The following RELN variants were observed in gnomAD, a reference collection of about 807,000 sequenced individuals.
The protein encoded by RELN is reelin.
RELN carries 108 observed loss-of-function variants against 427.6 expected under a neutral mutation model. The ratio of observed to expected loss-of-function variants is 0.25; its 90% CI spans 0.22 to 0.30. RELN has a LOEUF of 0.30. Among genes scored for constraint, RELN ranks in the 10% least tolerant of loss-of-function variants. The probability of loss-of-function intolerance (pLI) is 1.00; values close to 1 mark genes in which losing one functional copy is unlikely to be tolerated. For missense variants in RELN, 3,715 were observed against 4,302.8 expected (o/e 0.86, Z 3.82); for synonymous variants, 1,524 against 1,513.4 (o/e 1.01, Z -0.16).
intron 1 of RELN, among the ~76,000 whole-genome samples, chr7:103,960,973 A>G (rs1022869111): frequency 3.3e-5 from 5 of 152,260 alleles, no homozygotes; most frequent in African/African-American, 1.2e-4. Context: ...TTTTGAAGGT[A>G]TGTGTGCACA....
In RELN at chr7:103,751,822, T is replaced by C. The variant is rs116115590; in HGVS notation, c.577+1360A>G. On this transcript the variant is annotated intron_variant, in intron 5 of 64. Transcript: ENST00000428762. Reference sequence around the variant, plus strand: ...AGGAAAAATAAATTAATTGGGTTTATAGGTTGAAAGGAAAAGCCCAAGAGA... The same window carrying C: ...AGGAAAAATAAATTAATTGGGTTTACAGGTTGAAAGGAAAAGCCCAAGAGA... Among the ~76,000 whole-genome samples, 496 of 152,336 alleles carry C rather than the reference T, an allele frequency of 3.3e-3. 1 individual carries two copies. The highest frequency in any genetic ancestry group is 0.011 in the African/African-American group (470 of 41,582).
At chr7:103,916,940 C>T in intron 2 of RELN, 135 bp downstream of exon 2, 1 of 753,082 alleles carries the variant, frequency 1.3e-6, no homozygotes, top group Non-Finnish European at 2.4e-6. Context: ...AGCAAACACA[C>T]ACAAAAACAA....
chr7:103,568,974 T>C (rs1830821979), intron 31 of RELN, among the ~76,000 whole-genome samples: 1 of 152,228 alleles, frequency 6.6e-6, no homozygotes, highest in South Asian at 2.1e-4. Flanking sequence ...CACACATTCT[T>C]TGACACTCTT....
chr7:103,705,474 G>A lies in RELN; in HGVS notation c.806-4468C>T, dbSNP rs571480601. On this transcript the variant is annotated intron_variant, in intron 8 of 64. Transcript: ENST00000428762. ...TAATGAGAAAAATCTGATAGTAGGT[G>A]TATCTTATAATTTATCACCTAGCCT... 2.0e-4 allele frequency among the ~76,000 whole-genome samples: 31 copies of A among 152,266 alleles called. 1 individual carries two copies. In the East Asian group the frequency reaches 4.8e-3, roughly 24 times the overall value.
intron 57 of RELN, among the ~76,000 whole-genome samples, chr7:103,492,482 T>G (rs1465366628): frequency 6.6e-6 from 1 of 152,202 alleles, no homozygotes; most frequent in Non-Finnish European, 1.5e-5. Context: ...TATTTCCATA[T>G]CAATGAAAGC....
At chr7:103,736,301 T>C (rs915461911) in intron 6 of RELN, among the ~76,000 whole-genome samples, 1 of 152,206 alleles carries the variant, frequency 6.6e-6, no homozygotes, top group African/African-American at 2.4e-5. Flanking sequence ...GCAATTTACA[T>C]GATCATTTTC....
chr7:103,700,750 C>G (rs1485741663), intron 9 of RELN, among the ~76,000 whole-genome samples, 160 bp downstream of exon 9: 1 of 152,112 alleles, frequency 6.6e-6, no homozygotes, highest in Non-Finnish European at 1.5e-5. Context: ...CTTCTCCGAG[C>G]AGGGCTGGTC....
At chr7:103,760,253 TAAAA>T (rs749331587) in intron 4 of RELN, among the ~76,000 whole-genome samples, 1 of 146,566 alleles carries the variant, frequency 6.8e-6, no homozygotes, top group Non-Finnish European at 1.5e-5. Context: ...TGCTAAAAGT[TAAAA>T]AAAAAAGCTT....
chr7:103,561,359 T>C (rs991190003), intron 36 of RELN, among the ~76,000 whole-genome samples, 173 bp downstream of exon 36: 1 of 152,094 alleles, frequency 6.6e-6, no homozygotes, highest in African/African-American at 2.4e-5. Context: ...CAAGTAATCA[T>C]GAAAAAATGA....
chr7:103,837,314 C>G (rs113530345), intron 2 of RELN, among the ~76,000 whole-genome samples: 73 of 152,292 alleles, frequency 4.8e-4, no homozygotes, highest in Non-Finnish European at 9.1e-4. Flanking sequence ...GAAATACAAA[C>G]TTCTTAGCAT....
At chr7:103,803,849 G>A (rs577670528) in intron 3 of RELN, among the ~76,000 whole-genome samples, 11 of 152,134 alleles carry the variant, frequency 7.2e-5, no homozygotes, top group African/African-American at 2.6e-4. Flanking sequence ...AGCAACAGAT[G>A]CAGTTACAGG....
intron 41 of RELN, among the ~76,000 whole-genome samples, chr7:103,545,608 T>G (rs1241040691): frequency 2.6e-5 from 4 of 152,122 alleles, no homozygotes; most frequent in Non-Finnish European, 5.9e-5. Flanking sequence ...CAATATTGAC[T>G]TCCTTGGTGA....
At chr7:103,619,615 C>T (rs927638139) in intron 20 of RELN, among the ~76,000 whole-genome samples, 3 of 152,148 alleles carry the variant, frequency 2.0e-5, no homozygotes, top group Non-Finnish European at 2.9e-5. Flanking sequence ...CCCACGTCAC[C>T]GCATTTTTAG....
chr7:103,570,259 A>G (rs1436934252), intron 31 of RELN, among the ~76,000 whole-genome samples: 1 of 152,228 alleles, frequency 6.6e-6, no homozygotes, highest in Non-Finnish European at 1.5e-5. Flanking sequence ...CTATTGTATG[A>G]TAAGCAGATG....
intron 12 of RELN, among the ~76,000 whole-genome samples, chr7:103,654,426 G>T (rs1472447472): frequency 1.3e-5 from 2 of 152,072 alleles, no homozygotes; most frequent in Non-Finnish European, 2.9e-5. Context: ...GGCCAAAGTA[G>T]CTATTTGCTT....
At chr7:103,768,733 A>C (rs1346613201) in intron 4 of RELN, among the ~76,000 whole-genome samples, 2 of 152,200 alleles carry the variant, frequency 1.3e-5, no homozygotes, top group Non-Finnish European at 2.9e-5. Context: ...GGGGGAAATG[A>C]GTGTTTAAAT....
chr7:103,593,815 T>C lies in RELN; in HGVS notation c.3779A>G (p.Asn1260Ser). 6.2e-7 allele frequency: 1 copy of C among 1,613,944 alleles called. No homozygotes were observed. Among genetic ancestry groups the C allele is most frequent in the Non-Finnish European group, 8.5e-7 (1 of 1,179,870 alleles). ...NQMSVWLMLA[N>S]EGMVKNETFC... is the part of the protein sequence containing the mutation. ...GGTTTCATTTTTAACCATTCCTTCA[T>C]TAGCCAACATCAACCACACACTCAT... is the stretch of plus-strand genomic sequence containing the variant. Residue 1260 changes from asparagine (N) to serine (S), a missense_variant, in exon 27 of 65, where the codon AAT becomes AGT. Physicochemically the swap from Asn to Ser is conservative, Grantham distance 46. Around this residue, in one of 4 missense-constraint regions of RELN, gnomAD observed 2,208 missense variants for 2,361.7 expected, o/e 0.93. Transcript: ENST00000428762.
intron 2 of RELN, among the ~76,000 whole-genome samples, chr7:103,844,020 T>G (rs1039739429): frequency 3.3e-5 from 5 of 152,194 alleles, no homozygotes; most frequent in Admixed American, 2.6e-4. Context: ...CAGAAATATA[T>G]TCTGCCTCAC....
chr7:103,881,725 A>G (rs1794611549), intron 2 of RELN, among the ~76,000 whole-genome samples: 1 of 152,142 alleles, frequency 6.6e-6, no homozygotes, highest in East Asian at 1.9e-4. Context: ...GTCATCTCGG[A>G]TGTTCCACCC....
Sources: gnomAD v4.1 joint callset for allele counts (sites outside exome capture counted in the v4.1 genomes callset) on GRCh38, gnomAD v4.1.1 for gene constraint, gnomAD v4.1.1 regional missense constraint, MANE v1.5 for transcripts, NCBI Gene and HGNC (gene_info 2026-07-23, HGNC 2026-07-21) for gene names.